The following FASN variants were observed in gnomAD, a reference collection of about 807,000 sequenced individuals.
FASN encodes fatty acid synthase, also known as 3-hydroxyacyl-[acyl-carrier-protein] dehydratase.
FASN carries 50 observed loss-of-function variants against 250.0 expected under a neutral mutation model. The ratio of observed to expected loss-of-function variants is 0.20; its 90% CI spans 0.16 to 0.25. The LOEUF is 0.25. Among genes scored for constraint, FASN ranks in the 10% least tolerant of loss-of-function variants. The pLI, the probability that FASN is intolerant of heterozygous loss-of-function variation, is 1.00. For synonymous variants in FASN, 1,909 were observed against 1,584.0 expected, an observed-to-expected ratio of 1.21 and a Z score of -4.87; for missense variants, 3,031 against 3,498.5, an observed-to-expected ratio of 0.87 and a Z score of 3.37.
chr17:82,081,719 G>A lies in FASN; in HGVS notation c.6288C>T (p.Asp2096=). ...QRMASCLEVL[D]LFLNQPHMVL... The stretch of plus-strand genomic sequence containing the variant: ...CCATGTGGGGCTGGTTCAGGAAGAG[G>A]TCCAGCACCTCCAGGCAGGACGCCA... Residue 2096 remains aspartate, a synonymous_variant, in exon 37 of 43, where the codon GAC becomes GAT. Coordinates refer to ENST00000306749, the MANE Select transcript of FASN (RefSeq NM_004104.5). The A allele has an allele frequency of 1.2e-6, 2 of 1,612,714 alleles. No individual in the cohort carries two copies. Among genetic ancestry groups the A allele is most frequent in the Non-Finnish European group, 8.5e-7 (1 of 1,179,982 alleles).
chr17:82,088,689 C>G (rs1057248449), intron 15 of FASN, 72 bp downstream of exon 15: 1 of 1,516,322 alleles, frequency 6.6e-7, no homozygotes, highest in Non-Finnish European at 9.1e-7. Flanking sequence ...GTGAGGGGCC[C>G]GCAGCCCCGC....
Position 82,085,292 on chromosome 17 carries a change from G to A in FASN, c.4233C>T (p.Ser1411=), listed in dbSNP as rs947020826. 1 of 1,611,478 alleles carries A rather than the reference G, an allele frequency of 6.2e-7. No individual in the cohort carries two copies. Among genetic ancestry groups the A allele is most frequent in the East Asian group, 2.2e-5 (1 of 44,834 alleles). The change falls in exon 24 of 43, where the codon AGC becomes AGT. Residue 1411 remains serine, a synonymous_variant. Coordinates refer to ENST00000306749, the MANE Select transcript of FASN (RefSeq NM_004104.5). The stretch of plus-strand genomic sequence containing the variant: ...TATCGTCCACCGGCAGGAAGATGGG[G>A]CTGTCCTGCGGGGTGGGCCGGCGGC... ...FLCRRPTPQD[S]PIFLPVDDTS... is the part of the protein sequence containing the mutation.
chr17:82,093,346 G>C lies in FASN; in HGVS notation c.528C>G (p.His176Gln). Residue 176 changes from histidine to glutamine, a missense_variant, in exon 5 of 43, where the codon CAC (histidine) becomes CAG (glutamine). Coordinates refer to ENST00000306749, the MANE Select transcript of FASN (RefSeq NM_004104.5). The stretch of plus-strand genomic sequence containing the variant: ...CGATGGCGGCAGGGCACTGCCCGCT[G>C]TGGATGGCCTGGTAGGCGTTCTGCA... ...MALQNAYQAI[H>Q]SGQCPAAIVG... 2 of 1,603,710 alleles carry C rather than the reference G, an allele frequency of 1.2e-6. No individual in the cohort carries two copies. The highest frequency in any genetic ancestry group is 1.7e-6 in the Non-Finnish European group (2 of 1,176,680).
At chr17:82,095,857 G>A (rs1174493785) in intron 2 of FASN, among the ~76,000 whole-genome samples, 1 of 152,246 alleles carries the variant, frequency 6.6e-6, no homozygotes, top group Non-Finnish European at 1.5e-5. Context: ...AGTTGCTCCA[G>A]CCTCCCGGAG....
chr17:82,087,406 G>C lies in FASN; in HGVS notation c.3142C>G (p.Leu1048Val), dbSNP rs1334079690. The C allele has an allele frequency of 1.9e-6, 3 of 1,612,552 alleles. No homozygotes were observed. Among genetic ancestry groups the C allele is most frequent in the Non-Finnish European group, 2.5e-6 (3 of 1,179,994 alleles). Residue 1048 changes from leucine to valine, a missense_variant, in exon 20 of 43, where the codon CTG (leucine) becomes GTG (valine). By Grantham distance (32) the Leu-to-Val change is conservative (BLOSUM62 1). Transcript: ENST00000306749. ...ILGSAKHGLY[L>V]PTRVTAIHID... ...TGGATGGCGGTGACACGGGTGGGCA[G>C]GTACAGGCCGTGCTTGGCCGAGCCC...
Position 82,086,518 on chromosome 17 carries a change from C to T in FASN, c.3468G>A (p.Gly1156=). 6.2e-7 allele frequency: 1 copy of T among 1,612,344 alleles called. No homozygotes were observed. The highest frequency in any genetic ancestry group is 1.3e-5 in the African/African-American group (1 of 75,054). Residue 1156 remains glycine (G), a synonymous_variant, in exon 22 of 43, where the codon GGG becomes GGA. Transcript: ENST00000306749. The part of the protein sequence containing the change: ...QALQTKVTQQ[G]LKMVVPGLDG... ...CCAGTCCGGGCACCACCATCTTCAG[C>T]CCCTGCTGGGTCACCTTGGTCTGCA...
In FASN at chr17:82,082,017, C is replaced by A; in HGVS notation, c.6155G>T (p.Gly2052Val). 6.2e-7 allele frequency: 1 copy of A among 1,608,362 alleles called. No individual in the cohort carries two copies. Among genetic ancestry groups the A allele is most frequent in the South Asian group, 1.1e-5 (1 of 91,066 alleles). ...GAGAGGGTGGGGCCCACCTGGGAGGCCTTCGTGCCGGCGTTTCTCACAGAT... is the reference window on the plus strand; with the variant it reads ...GAGAGGGTGGGGCCCACCTGGGAGGACTTCGTGCCGGCGTTTCTCACAGAT... Reference protein sequence around the residue: ...ERICEKRRHEGLPGLAVQWGA... With the variant: ...ERICEKRRHEVLPGLAVQWGA... The change falls in exon 36 of 43, where the codon GGC becomes GTC. Residue 2052 changes from glycine to valine, a missense_variant. Physicochemically the swap from Gly to Val is moderately radical, Grantham distance 109. Coordinates refer to ENST00000306749, the MANE Select transcript of FASN (RefSeq NM_004104.5).
Position 82,082,575 on chromosome 17 carries a change from G to C in FASN, c.5871C>G (p.Ala1957=). 1 of 1,609,520 alleles carries C rather than the reference G, an allele frequency of 6.2e-7. No homozygotes were observed. Among genetic ancestry groups the C allele is most frequent in the Non-Finnish European group, 8.5e-7 (1 of 1,179,840 alleles). ...SSLEGARGLI[A]EAAQLGPVGG... is the part of the protein sequence containing the mutation. Reference sequence around the variant, plus strand: ...CCACGGGCCCAAGCTGCGCCGCCTCGGCAATGAGGCCCCGGGCCCCCTCCA... The same window carrying C: ...CCACGGGCCCAAGCTGCGCCGCCTCCGCAATGAGGCCCCGGGCCCCCTCCA... Residue 1957 remains alanine, a synonymous_variant, in exon 34 of 43, where the codon GCC becomes GCG. Coordinates refer to ENST00000306749, the MANE Select transcript of FASN (RefSeq NM_004104.5).
Position 82,093,429 on chromosome 17 carries a change from A to AG in FASN, c.455-11dup. On this transcript the variant is annotated splice_polypyrimidine_tract_variant and intron_variant, in intron 4 of 42. Transcript: ENST00000306749. ...AGTGCGATGCTGGGCCCTGCAAGGAAGGGTGCTGCGGCTCAGGTGGGGCTG... is the reference window on the plus strand; with the variant it reads ...AGTGCGATGCTGGGCCCTGCAAGGAAGGGGTGCTGCGGCTCAGGTGGGGCTG... 5 of 1,597,116 alleles carry AG rather than the reference A, an allele frequency of 3.1e-6. No individual in the cohort carries two copies. The highest frequency in any genetic ancestry group is 4.3e-6 in the Non-Finnish European group (5 of 1,174,504).
intron 11 of FASN, 64 bp downstream of exon 11, chr17:82,090,311 G>C: frequency 6.8e-7 from 1 of 1,479,642 alleles, no homozygotes; most frequent in Non-Finnish European, 9.2e-7. Context: ...TGCAGGTGAG[G>C]ACCCCACAGC....
rs45507397 is a variant in FASN at position 82,081,205 on chromosome 17, C to T, written c.6554G>A (p.Arg2185Gln). ...SVREVRQLTL[R>Q]KLQELSSKAD... ...CTTTGAGGACAGCTCCTGCAGTTTC[C>T]GGAGCGTGAGTTGCCGCACCTCGCG... The change falls in exon 38 of 43, where the codon CGG becomes CAG. Residue 2185 changes from arginine (R) to glutamine (Q), a missense_variant. Arg to Gln is a conservative substitution (Grantham distance 43). Coordinates refer to ENST00000306749, the MANE Select transcript of FASN (RefSeq NM_004104.5). 1.5e-3 allele frequency: 2,457 copies of T among 1,594,278 alleles called. 28 individuals carry two copies. The African/African-American group carries it at 0.029, about 19-fold the overall frequency.
Position 82,085,401 on chromosome 17 carries a change from T to A in FASN, c.4124A>T (p.Asp1375Val), listed in dbSNP as rs911657546. The change falls in exon 24 of 43, where the codon GAC becomes GTC. Residue 1375 changes from aspartate to valine, a missense_variant and splice_region_variant. Coordinates refer to ENST00000306749, the MANE Select transcript of FASN (RefSeq NM_004104.5). The stretch of plus-strand genomic sequence containing the variant: ...CCTGGAGAAGAGGCTCTCCCACGCG[T>A]CCTGTGGGGGCGGTGGTCAGCACCC... ...PQYGQGILSQ[D>V]AWESLFSRVS... The A allele has an allele frequency of 3.7e-6, 6 of 1,609,820 alleles. No homozygotes were observed. Among genetic ancestry groups the A allele is most frequent in the African/African-American group, 1.3e-5 (1 of 74,850 alleles).
Position 82,081,588 on chromosome 17 carries a change from T to TG in FASN, c.6406+12dup. 6.2e-7 allele frequency: 1 copy of TG among 1,611,946 alleles called. No individual in the cohort carries two copies. Among genetic ancestry groups the TG allele is most frequent in the Non-Finnish European group, 8.5e-7 (1 of 1,179,974 alleles). The stretch of plus-strand genomic sequence containing the variant: ...GGGAAACACCTGGCGCGGCTCCTAC[T>TG]GGGAGTGCTCACCCAGGATGTGTGC... On this transcript the variant is annotated intron_variant, in intron 37 of 42. Transcript: ENST00000306749.
chr17:82,096,238 C>T, intron 2 of FASN, 81 bp downstream of exon 2: 5 of 1,596,480 alleles, frequency 3.1e-6, no homozygotes, highest in Non-Finnish European at 4.3e-6. Context: ...GAGGACACAG[C>T]ACAGCAGGGA....
chr17:82,094,265 C>T (rs2034267003), intron 3 of FASN: 2 of 247,562 alleles, frequency 8.1e-6, no homozygotes, highest in South Asian at 4.6e-5. Context: ...GAGAGGGACA[C>T]CGGTCACCCC....
Position 82,084,510 on chromosome 17 carries a change from T to A in FASN, c.4768+3A>T, listed in dbSNP as rs771070703. 1.2e-6 allele frequency: 2 copies of A among 1,607,048 alleles called. No homozygotes were observed. The highest frequency in any genetic ancestry group is 1.7e-6 in the Non-Finnish European group (2 of 1,177,514). ...CACTCCCACGGCCCCATGCCACCCATACCTGGGATGGCATCAGGGGACAGC... is the reference window on the plus strand; with the variant it reads ...CACTCCCACGGCCCCATGCCACCCAAACCTGGGATGGCATCAGGGGACAGC... On this transcript the variant is annotated splice_donor_region_variant and intron_variant, in intron 27 of 42. Coordinates refer to ENST00000306749, the MANE Select transcript of FASN (RefSeq NM_004104.5).
At position 82,088,850 on chromosome 17, in the gene FASN, C is replaced by T. The variant is rs778784961; in HGVS notation, c.2331G>A (p.Pro777=). 18 of 1,612,550 alleles carry T rather than the reference C, an allele frequency of 1.1e-5. No individual in the cohort carries two copies. Among genetic ancestry groups the T allele is most frequent in the Admixed American group, 3.3e-5 (2 of 60,024 alleles). Residue 777 remains proline (P), a synonymous_variant, in exon 15 of 43, where the codon CCG becomes CCA. Transcript: ENST00000306749. ...TCATCAGGGGGATGATGGTGCAGCT[C>T]GGCTTCAGGCCACGCTTCAGGACAG... ...LQAVLKRGLK[P]SCTIIPLMKK...
chr17:82,092,877 G>A lies in FASN; in HGVS notation c.778+20C>T, dbSNP rs374126939. ...GCTCCCACCTGCCCCCCAGCACCCC[G>A]GAACCCCGGCAGAGCCCACCTTGCT... On this transcript the variant is annotated intron_variant, in intron 6 of 42. Coordinates refer to ENST00000306749, the MANE Select transcript of FASN (RefSeq NM_004104.5). The A allele has an allele frequency of 5.8e-5, 93 of 1,593,652 alleles. No homozygotes were observed. In the Middle Eastern group the frequency reaches 6.7e-4, roughly 11 times the overall value.
Position 82,091,616 on chromosome 17 carries a change from G to C in FASN, c.1098C>G (p.Ile366Met). 6.3e-7 allele frequency: 1 copy of C among 1,595,708 alleles called. No homozygotes were observed. The highest frequency in any genetic ancestry group is 8.5e-7 in the Non-Finnish European group (1 of 1,172,898). The change falls in exon 9 of 43, where the codon ATC (isoleucine) becomes ATG (methionine). Residue 366 changes from isoleucine (I) to methionine (M), a missense_variant. Ile to Met is a conservative substitution (Grantham distance 10, BLOSUM62 1). Transcript: ENST00000306749. ...NLHFHSPNPE[I>M]PALLDGRLQV... ...GCAGCCGCCCATCCAACAGCGCTGG[G>C]ATCTCAGGGTTGGGGCTATGGAAGT... is the stretch of plus-strand genomic sequence containing the variant.
Sources: allele counts gnomAD v4.1 joint callset (sites outside exome capture counted in the v4.1 genomes callset), GRCh38; gene constraint gnomAD v4.1.1; transcripts MANE v1.5; gene names NCBI Gene and HGNC (gene_info 2026-07-23, HGNC 2026-07-21).